Variants in ASTN2 observed in about 807,000 individuals in gnomAD.
ASTN2 encodes the protein astrotactin 2, also known as astrotactin-2.
ASTN2 carries 54 observed loss-of-function variants against 139.8 expected under a neutral mutation model. The observed-to-expected ratio is 0.39, with a 90% CI of 0.31 to 0.48. The LOEUF (loss-of-function observed/expected upper bound fraction) is 0.48, where lower values mean the gene tolerates loss of function less well. Ranked by LOEUF, ASTN2 falls within the 20% of genes least tolerant of loss-of-function variation. The pLI is 0.95. For missense variants in ASTN2, 1,565 were observed against 1,725.1 expected (o/e 0.91, Z 1.64); for synonymous variants, 756 against 719.5 (o/e 1.05, Z -0.81).
chr9:116,589,508 CTTCGTT>C (rs1189582251), intron 19 of ASTN2, among the ~76,000 whole-genome samples: 1 of 152,108 alleles, frequency 6.6e-6, no homozygotes, highest in Non-Finnish European at 1.5e-5. Flanking sequence ...TGCAACAGGT[CTTCGTT>C]TTTTTCTGTG....
intron 19 of ASTN2, among the ~76,000 whole-genome samples, chr9:116,533,088 T>C (rs1224724394): frequency 6.6e-6 from 1 of 152,196 alleles, no homozygotes; most frequent in East Asian, 1.9e-4. Context: ...CCCTTGTAAG[T>C]TGGATTCCTA....
intron 10 of ASTN2, among the ~76,000 whole-genome samples, chr9:116,945,071 G>A (rs1382994539): frequency 6.6e-6 from 1 of 152,094 alleles, no homozygotes; most frequent in Non-Finnish European, 1.5e-5. Context: ...ATCTCAAAAT[G>A]ACTCCGTTCA....
chr9:116,992,693 A>C (rs1213023375), intron 7 of ASTN2, among the ~76,000 whole-genome samples: 1 of 152,110 alleles, frequency 6.6e-6, no homozygotes, highest in Non-Finnish European at 1.5e-5. Context: ...AGATGGTATA[A>C]AAACTGGGTC....
chr9:117,290,052 A>T (rs1834549304), intron 2 of ASTN2, among the ~76,000 whole-genome samples: 1 of 152,224 alleles, frequency 6.6e-6, no homozygotes, highest in Non-Finnish European at 1.5e-5. Flanking sequence ...GTCTCAAAAA[A>T]TACTGCTGAT....
chr9:117,298,026 G>A (rs1250913271), intron 1 of ASTN2, among the ~76,000 whole-genome samples: 1 of 152,136 alleles, frequency 6.6e-6, no homozygotes, highest in Non-Finnish European at 1.5e-5. Context: ...CTACCTTCGG[G>A]CTTCCTTCCT....
intron 10 of ASTN2, among the ~76,000 whole-genome samples, chr9:116,955,352 G>C (rs187680842): frequency 1.3e-5 from 2 of 152,192 alleles, no homozygotes; most frequent in Non-Finnish European, 2.9e-5. Context: ...GTCCCAGATG[G>C]ACTGGTATGA....
chr9:117,165,491 A>G (rs1475981011), intron 3 of ASTN2, among the ~76,000 whole-genome samples: 2 of 151,980 alleles, frequency 1.3e-5, no homozygotes, highest in East Asian at 3.9e-4. Context: ...ATACCTCTAA[A>G]CTGCGGCTCC....
At chr9:116,923,553 G>T (rs1834672071) in intron 10 of ASTN2, among the ~76,000 whole-genome samples, 2 of 152,208 alleles carry the variant, frequency 1.3e-5, no homozygotes, top group Non-Finnish European at 2.9e-5. Flanking sequence ...AAACTATTTT[G>T]TGATATGACT....
intron 17 of ASTN2, among the ~76,000 whole-genome samples, chr9:116,624,813 A>G (rs1564163131): frequency 6.6e-6 from 1 of 152,134 alleles, no homozygotes; most frequent in African/African-American, 2.4e-5. Context: ...AAACTTGGTC[A>G]TATGGCTGCT....
At chr9:116,742,998 G>A (rs144643699) in intron 13 of ASTN2, among the ~76,000 whole-genome samples, 27 of 152,120 alleles carry the variant, frequency 1.8e-4, no homozygotes, top group Middle Eastern at 6.8e-3. Context: ...CAGTGCCAGC[G>A]CTCAGAGCCA....
rs1434455113 is a variant in ASTN2 at position 116,718,972 on chromosome 9, GTACA to G, written c.2806+6795_2806+6798del. The stretch of plus-strand genomic sequence containing the variant: ...TATTTACATATCTATACCTGTATCT[GTACA>G]TATATATATATATATCTGCCTATAA... On this transcript the variant is annotated intron_variant, in intron 16 of 22. Coordinates refer to ENST00000313400, the MANE Select transcript of ASTN2 (RefSeq NM_001365068.1). 2.3e-4 allele frequency among the ~76,000 whole-genome samples: 23 copies of G among 100,052 alleles called. 3 individuals are homozygous for G. The highest frequency in any genetic ancestry group is 4.8e-4 in the Admixed American group (4 of 8,418). 65.6% of individuals were successfully genotyped at this position (100,052 alleles called of 152,430 possible).
intron 10 of ASTN2, among the ~76,000 whole-genome samples, chr9:116,882,807 A>G (rs1324101718): frequency 6.6e-6 from 1 of 150,572 alleles, no homozygotes. Context: ...AGCCTGGGTG[A>G]CAGACAGAGA....
At chr9:116,436,597 A>G (rs1266115734) in intron 22 of ASTN2, among the ~76,000 whole-genome samples, 17 of 152,366 alleles carry the variant, frequency 1.1e-4, no homozygotes, top group Non-Finnish European at 1.5e-5. Flanking sequence ...TAGTAAGTGC[A>G]GGAAAGATAG....
chr9:116,877,068 TC>T (rs1477255425), intron 10 of ASTN2, among the ~76,000 whole-genome samples: 1 of 152,150 alleles, frequency 6.6e-6, no homozygotes, highest in Non-Finnish European at 1.5e-5. Context: ...ACCTATCCCC[TC>T]CTTTTTTCAC....
intron 2 of ASTN2, among the ~76,000 whole-genome samples, chr9:117,245,817 T>C (rs1238961731): frequency 2.0e-5 from 3 of 152,192 alleles, no homozygotes; most frequent in African/African-American, 4.8e-5. Context: ...TCCCATTCTT[T>C]AGGTCTCTGC....
intron 19 of ASTN2, chr9:116,583,884 T>G (rs1854047293): frequency 6.6e-6 from 1 of 152,152 alleles, no homozygotes. Flanking sequence ...GAGACCATCT[T>G]CATGGGAGAA....
chr9:116,878,003 A>G (rs551156022), intron 10 of ASTN2, among the ~76,000 whole-genome samples: 2 of 152,314 alleles, frequency 1.3e-5, no homozygotes, highest in African/African-American at 4.8e-5. Context: ...CAAAACCACA[A>G]TGGGATACCA....
chr9:116,478,337 T>C (rs1849058805), intron 20 of ASTN2, among the ~76,000 whole-genome samples: 1 of 150,070 alleles, frequency 6.7e-6, no homozygotes, highest in Non-Finnish European at 1.5e-5. Flanking sequence ...TAAAATGAAA[T>C]AAGGAAAGAA....
chr9:116,743,661 C>A (rs7867723), intron 13 of ASTN2, among the ~76,000 whole-genome samples: 146,828 of 152,226 alleles, frequency 0.96, 71,057 homozygotes, highest in East Asian at 1. Flanking sequence ...GTGTGCCACC[C>A]CACCGAGCTA....
Sources: allele counts gnomAD v4.1 joint callset (sites outside exome capture counted in the v4.1 genomes callset), GRCh38; gene constraint gnomAD v4.1.1; transcripts MANE v1.5; gene names NCBI Gene and HGNC (gene_info 2026-07-23, HGNC 2026-07-21).